The following RSBN1 variants were observed in gnomAD, a reference collection of about 807,000 sequenced individuals.
RSBN1 encodes lysine-specific demethylase 9.
A neutral mutation model predicts 74.8 loss-of-function variants in RSBN1; 23 were observed. The observed-to-expected ratio is 0.31, with a 90% CI of 0.22 to 0.44. The LOEUF is 0.44. Ranked by LOEUF, RSBN1 falls within the 20% of genes least tolerant of loss-of-function variation. The probability of loss-of-function intolerance (pLI) is 1.00; values close to 1 mark genes in which losing one functional copy is unlikely to be tolerated. For missense variants in RSBN1, 808 were observed against 1,020.9 expected, an observed-to-expected ratio of 0.79 and a Z score of 2.84; for synonymous variants, 407 against 379.6, an observed-to-expected ratio of 1.07 and a Z score of -0.84.
chr1:113,765,880 G>T lies in RSBN1; in HGVS notation c.*100C>A. 1.3e-6 allele frequency: 1 copy of T among 797,520 alleles called. No homozygotes were observed. The highest frequency in any genetic ancestry group is 2.0e-6 in the Non-Finnish European group (1 of 511,870). 49.4% of individuals were successfully genotyped at this position (797,520 alleles called of 1,614,324 possible). A position where few individuals can be genotyped will look rare whatever the true frequency, so the allele number is the denominator to read the frequency against. ...GTCATTTCTCTTTATAGAATTATAGGCAAGATTTCTCCAATAAAACTTAAC... is the reference window on the plus strand; with the variant it reads ...GTCATTTCTCTTTATAGAATTATAGTCAAGATTTCTCCAATAAAACTTAAC... On this transcript the variant is annotated 3_prime_UTR_variant, in exon 7 of 7. Coordinates refer to ENST00000261441, the MANE Select transcript of RSBN1 (RefSeq NM_018364.5).
rs1355093415 is a variant in RSBN1 at position 113,762,364 on chromosome 1, A to T, written c.*3616T>A. The T allele has an allele frequency of 6.6e-6, 1 of 152,662 alleles. No individual in the cohort carries two copies. The highest frequency in any genetic ancestry group is 2.4e-5 in the African/African-American group (1 of 41,464). The allele number at this position is 152,662 out of a possible 1,614,324, so 9.5% of individuals were successfully genotyped here. ...TTTATGGAGAGATACTTGCTTTTAAAGCAACAAACTTTCAAGACAAGGATA... is the reference window on the plus strand; with the variant it reads ...TTTATGGAGAGATACTTGCTTTTAATGCAACAAACTTTCAAGACAAGGATA... On this transcript the variant is annotated 3_prime_UTR_variant, in exon 7 of 7. Coordinates refer to ENST00000261441, the MANE Select transcript of RSBN1 (RefSeq NM_018364.5).
intron 4 of RSBN1, among the ~76,000 whole-genome samples, chr1:113,769,376 A>G (rs1246955017): frequency 6.6e-6 from 1 of 151,838 alleles, no homozygotes. Context: ...ATTGCAAACC[A>G]GGCATCCATG....
At position 113,777,274 on chromosome 1, in the gene RSBN1, C is replaced by G. The variant is rs769405407; in HGVS notation, c.1594G>C (p.Val532Leu). 6.2e-7 allele frequency: 1 copy of G among 1,613,582 alleles called. No individual in the cohort carries two copies. The highest frequency in any genetic ancestry group is 8.5e-7 in the Non-Finnish European group (1 of 1,179,598). The stretch of plus-strand genomic sequence containing the variant: ...GGGATCATCTGTTCTCCTGGCCTTA[C>G]CCACATTATAGGCCCATCATCACTC... ...SQSDDGPIMW[V>L]RPGEQMIPTA... Residue 532 changes from valine (V) to leucine (L), a missense_variant, in exon 4 of 7, where the codon GTA becomes CTA. Around this residue, in one of 6 missense-constraint regions of RSBN1, gnomAD observed 112 missense variants for 257.3 expected, o/e 0.44. Coordinates refer to ENST00000261441, the MANE Select transcript of RSBN1 (RefSeq NM_018364.5).
chr1:113,788,415 T>C (rs1660301547), intron 2 of RSBN1, among the ~76,000 whole-genome samples: 1 of 152,162 alleles, frequency 6.6e-6, no homozygotes, highest in South Asian at 2.1e-4. Flanking sequence ...GTGATTGTTA[T>C]TATTCTTTAT....
At chr1:113,773,534 T>A (rs1659921275) in intron 4 of RSBN1, among the ~76,000 whole-genome samples, 1 of 151,884 alleles carries the variant, frequency 6.6e-6, no homozygotes, top group African/African-American at 2.4e-5. Context: ...AACAATTTTT[T>A]AAAATAAAAT....
intron 4 of RSBN1, among the ~76,000 whole-genome samples, chr1:113,772,445 T>C (rs1659902596): frequency 6.6e-6 from 1 of 152,080 alleles, no homozygotes; most frequent in South Asian, 2.1e-4. Context: ...TATAAACAAA[T>C]GGGTTTTGCC....
At chr1:113,807,096 T>C (rs891318983) in intron 1 of RSBN1, among the ~76,000 whole-genome samples, 23 of 151,866 alleles carry the variant, frequency 1.5e-4, no homozygotes, top group Non-Finnish European at 2.9e-4. Flanking sequence ...GCGGATCACC[T>C]GAGGTCAGGA....
At chr1:113,785,091 G>A (rs1000834963) in intron 2 of RSBN1, among the ~76,000 whole-genome samples, 16 of 151,330 alleles carry the variant, frequency 1.1e-4, no homozygotes, top group African/African-American at 3.6e-4. Flanking sequence ...CTTTCTTTAC[G>A]TCCTTATTCT....
intron 1 of RSBN1, among the ~76,000 whole-genome samples, chr1:113,808,486 G>A (rs997488755): frequency 1.3e-5 from 2 of 152,086 alleles, no homozygotes; most frequent in Admixed American, 6.6e-5. Flanking sequence ...TTTACCATAC[G>A]ACCAAAGAAA....
chr1:113,796,108 G>A (rs981292297), intron 2 of RSBN1: 5 of 151,856 alleles, frequency 3.3e-5, no homozygotes, highest in African/African-American at 1.2e-4. Context: ...AGGATTCCTT[G>A]ACCTTCAAAG....
chr1:113,786,188 G>T (rs1460813012), intron 2 of RSBN1, among the ~76,000 whole-genome samples: 6 of 152,198 alleles, frequency 3.9e-5, no homozygotes, highest in Admixed American at 3.9e-4. Context: ...ATAAGAGAAA[G>T]AAGTATGAAA....
intron 2 of RSBN1, among the ~76,000 whole-genome samples, chr1:113,790,933 C>T (rs1213101675): frequency 1.3e-5 from 2 of 152,228 alleles, no homozygotes; most frequent in Non-Finnish European, 2.9e-5. Context: ...AACTAGCAAC[C>T]CCAAATTATT....
chr1:113,787,680 C>T (rs959203003), intron 2 of RSBN1, among the ~76,000 whole-genome samples: 1 of 152,114 alleles, frequency 6.6e-6, no homozygotes, highest in African/African-American at 2.4e-5. Flanking sequence ...AATGCAATCG[C>T]CTACCTCCTT....
At chr1:113,780,218 G>T (rs192827322) in intron 2 of RSBN1, among the ~76,000 whole-genome samples, 1 of 152,266 alleles carries the variant, frequency 6.6e-6, no homozygotes, top group Admixed American at 6.5e-5. Flanking sequence ...ATTTAAAGCA[G>T]CCAAAACTCA....
At chr1:113,777,588 C>A in intron 3 of RSBN1, 83 bp downstream of exon 3, 1 of 1,285,096 alleles carries the variant, frequency 7.8e-7, no homozygotes, top group South Asian at 1.7e-5. Context: ...TTTCAATAGG[C>A]AATATTAGCT....
Position 113,811,746 on chromosome 1 carries a change from T to A in RSBN1, c.667A>T (p.Thr223Ser), listed in dbSNP as rs776418630. 11 of 1,611,334 alleles carry A rather than the reference T, an allele frequency of 6.8e-6. 1 individual carries two copies. Among genetic ancestry groups the A allele is most frequent in the Non-Finnish European group, 9.3e-6 (11 of 1,178,682 alleles). Residue 223 changes from threonine to serine, a missense_variant, in exon 1 of 7, where the codon ACT (threonine) becomes TCT (serine). Around this residue, in one of 6 missense-constraint regions of RSBN1, gnomAD observed 464 missense variants for 401.0 expected, o/e 1.16. Coordinates refer to ENST00000261441, the MANE Select transcript of RSBN1 (RefSeq NM_018364.5). ...HKDKQENGER[T>S]GGVPLIKAPK... Reference sequence around the variant, plus strand: ...GCTTTGATCAGAGGCACCCCTCCAGTCCTCTCGCCGTTTTCCTGCTTGTCC... The same window carrying A: ...GCTTTGATCAGAGGCACCCCTCCAGACCTCTCGCCGTTTTCCTGCTTGTCC...
intron 2 of RSBN1, among the ~76,000 whole-genome samples, chr1:113,785,465 G>A (rs1010182689): frequency 7.9e-5 from 12 of 152,280 alleles, no homozygotes; most frequent in African/African-American, 2.9e-4. Flanking sequence ...ATCTTATGGA[G>A]TCAGCGTTAC....
Position 113,777,791 on chromosome 1 carries a change from G to A in RSBN1, c.1395C>T (p.Cys465=). 4 of 1,600,840 alleles carry A rather than the reference G, an allele frequency of 2.5e-6. No individual in the cohort carries two copies. The highest frequency in any genetic ancestry group is 3.4e-6 in the Non-Finnish European group (4 of 1,171,794). ...TAGGACCTGCTCGGTAGGTGCCACA[G>A]CAGTATGTCCTGTTGACCTAAGATA... ...NFHTQVNRTY[C]CGTYRAGPMR... is the part of the protein sequence containing the mutation. The change falls in exon 3 of 7, where the codon TGC becomes TGT. Residue 465 remains cysteine (C), a synonymous_variant. Coordinates refer to ENST00000261441, the MANE Select transcript of RSBN1 (RefSeq NM_018364.5).
At position 113,762,012 on chromosome 1, in the gene RSBN1, A is replaced by T. The variant is rs1201059283; in HGVS notation, c.*3968T>A. 6.5e-6 allele frequency: 1 copy of T among 152,778 alleles called. No individual in the cohort carries two copies. Among genetic ancestry groups the T allele is most frequent in the Non-Finnish European group, 1.5e-5 (1 of 68,028 alleles). The allele number at this position is 152,778 out of a possible 1,614,324, so 9.5% of individuals were successfully genotyped here. A position where few individuals can be genotyped will look rare whatever the true frequency, so the allele number is the denominator to read the frequency against. On this transcript the variant is annotated 3_prime_UTR_variant, in exon 7 of 7. Transcript: ENST00000261441. The stretch of plus-strand genomic sequence containing the variant: ...AAATTTAGATTTAAGACTATTCATT[A>T]AAAACCTTTTTAAAACACTCGTTAA...
Sources: allele counts gnomAD v4.1 joint callset (sites outside exome capture counted in the v4.1 genomes callset), GRCh38; gene constraint gnomAD v4.1.1; regional missense constraint gnomAD v4.1.1; transcripts MANE v1.5; gene names NCBI Gene and HGNC (gene_info 2026-07-23, HGNC 2026-07-21).